PARD3: variants seen among roughly 807,000 people sequenced by gnomAD.
The protein encoded by PARD3 is par-3 family cell polarity regulator.
Under a neutral mutation model 155.4 loss-of-function variants are expected in PARD3, and 75 were observed. That is an observed-to-expected ratio of 0.48 (90% CI 0.40 to 0.58). PARD3 has a LOEUF of 0.58. PARD3 is among the 20% of genes least tolerant of loss of function. PARD3 has a pLI of 0.00. For missense variants in PARD3, 1,642 were observed against 1,721.7 expected (o/e 0.95, Z 0.82); for synonymous variants, 576 against 610.5 (o/e 0.94, Z 0.83).
intron 22 of PARD3, among the ~76,000 whole-genome samples, chr10:34,239,759 C>T (rs1049271298): frequency 4.7e-5 from 7 of 149,502 alleles, no homozygotes; most frequent in Non-Finnish European, 8.8e-5. Context: ...GCCAATAACG[C>T]GCCATTGCAT....
At position 34,359,202 on chromosome 10, in the gene PARD3, T is replaced by C. The variant is rs138292218; in HGVS notation, c.2012A>G (p.Asn671Ser). ...AATAAGCTGGATCATTCCTCGTTTA[T>C]TGCCTTCAGTAGACATAGACCTTCT... ...TLRRSMSTEG[N>S]KRGMIQLIVA... Residue 671 changes from asparagine (N) to serine (S), a missense_variant, in exon 14 of 25, where the codon AAT becomes AGT. Physicochemically the swap from Asn to Ser is conservative, Grantham distance 46. Transcript: ENST00000374788. 3 of 1,613,954 alleles carry C rather than the reference T, an allele frequency of 1.9e-6. No individual in the cohort carries two copies. The highest frequency in any genetic ancestry group is 2.7e-5 in the African/African-American group (2 of 74,948).
At chr10:34,396,948 T>C (rs780307580) in intron 7 of PARD3, among the ~76,000 whole-genome samples, 8 of 152,190 alleles carry the variant, frequency 5.3e-5, no homozygotes, top group Non-Finnish European at 8.8e-5. Flanking sequence ...ATTCTTCCCC[T>C]ATCAGCTCAC....
intron 3 of PARD3, among the ~76,000 whole-genome samples, chr10:34,503,814 G>C (rs1372172762): frequency 6.6e-6 from 1 of 152,152 alleles, no homozygotes; most frequent in Non-Finnish European, 1.5e-5. Flanking sequence ...TTCTATGCTG[G>C]GAATACACAG....
intron 22 of PARD3, among the ~76,000 whole-genome samples, chr10:34,196,814 C>G (rs1394226873): frequency 6.6e-6 from 1 of 152,040 alleles, no homozygotes; most frequent in Admixed American, 6.5e-5. Flanking sequence ...ACCTCATGAT[C>G]CGCCCACCTT....
intron 22 of PARD3, among the ~76,000 whole-genome samples, chr10:34,230,370 A>G (rs1332878903): frequency 6.6e-6 from 1 of 152,158 alleles, no homozygotes; most frequent in Non-Finnish European, 1.5e-5. Context: ...AGACCTCTGC[A>G]TGAAGGCAGA....
At chr10:34,452,828 A>G (rs535206757) in intron 4 of PARD3, among the ~76,000 whole-genome samples, 1 of 152,188 alleles carries the variant, frequency 6.6e-6, no homozygotes, top group Admixed American at 6.5e-5. Context: ...ATTTTGACTC[A>G]GGCACCATTC....
At chr10:34,780,073 C>A (rs1840067930) in intron 1 of PARD3, among the ~76,000 whole-genome samples, 1 of 152,232 alleles carries the variant, frequency 6.6e-6, no homozygotes, top group African/African-American at 2.4e-5. Context: ...ATGCATTACA[C>A]CTTCTGGTAA....
At chr10:34,496,731 C>G (rs913944256) in intron 3 of PARD3, among the ~76,000 whole-genome samples, 4 of 152,120 alleles carry the variant, frequency 2.6e-5, no homozygotes, top group African/African-American at 7.2e-5. Flanking sequence ...CTAAAAGAAT[C>G]CGAAGAGATA....
At chr10:34,261,825 G>GAAAGAAAGAAAGAAAGAAAGAAAC (rs1238097146) in intron 22 of PARD3, among the ~76,000 whole-genome samples, 3 of 138,888 alleles carry the variant, frequency 2.2e-5, no homozygotes, top group Admixed American at 7.2e-5. Flanking sequence ...AAGAAAGAAA[G>GAAAGAAAGAAAGAAAGAAAGAAAC]AAACAAACAA....
intron 1 of PARD3, among the ~76,000 whole-genome samples, chr10:34,705,410 C>T (rs1416893178): frequency 6.6e-6 from 1 of 151,936 alleles, no homozygotes; most frequent in Non-Finnish European, 1.5e-5. Flanking sequence ...ATCACTTGAG[C>T]CCGGGAGGTG....
At chr10:34,297,751 C>G (rs1010504143) in intron 20 of PARD3, among the ~76,000 whole-genome samples, 2 of 152,172 alleles carry the variant, frequency 1.3e-5, no homozygotes, top group African/African-American at 2.4e-5. Flanking sequence ...TTCAGAGGCC[C>G]GAGGCCACCT....
At chr10:34,367,058 T>G (rs1410739682) in intron 12 of PARD3, among the ~76,000 whole-genome samples, 4 of 152,164 alleles carry the variant, frequency 2.6e-5, no homozygotes, top group African/African-American at 4.8e-5. Flanking sequence ...TTTTGCACAA[T>G]TATTAATCTC....
At chr10:34,575,765 G>A (rs572265840) in intron 2 of PARD3, among the ~76,000 whole-genome samples, 75 of 152,140 alleles carry the variant, frequency 4.9e-4, no homozygotes, top group Non-Finnish European at 7.6e-4. Flanking sequence ...ACATGGTGGC[G>A]GGTGCCTGTA....
intron 4 of PARD3, among the ~76,000 whole-genome samples, chr10:34,462,839 G>A (rs1345994910): frequency 7.0e-6 from 1 of 142,794 alleles, no homozygotes; most frequent in Non-Finnish European, 1.5e-5. Flanking sequence ...AGTGGCAAAA[G>A]AAAAGGAAAA....
chr10:34,807,581 G>T (rs1843564979), intron 1 of PARD3, among the ~76,000 whole-genome samples: 1 of 152,146 alleles, frequency 6.6e-6, no homozygotes, highest in Non-Finnish European at 1.5e-5. Context: ...ACCCACTCTG[G>T]TCATGTTATA....
At chr10:34,304,897 T>TGACCA (rs1471389653) in intron 20 of PARD3, among the ~76,000 whole-genome samples, 2 of 152,264 alleles carry the variant, frequency 1.3e-5, no homozygotes, top group South Asian at 2.1e-4. Context: ...AAAGTCAGAA[T>TGACCA]GACCAACATA....
chr10:34,492,388 A>G (rs902926967), intron 3 of PARD3, among the ~76,000 whole-genome samples: 4 of 152,180 alleles, frequency 2.6e-5, no homozygotes, highest in African/African-American at 4.8e-5. Flanking sequence ...ACATTCACGC[A>G]TGGCTCTAGT....
chr10:34,782,885 C>A (rs1291782932), intron 1 of PARD3, among the ~76,000 whole-genome samples: 1 of 152,072 alleles, frequency 6.6e-6, no homozygotes, highest in East Asian at 1.9e-4. Flanking sequence ...CACCACTACA[C>A]CCAGTTATTT....
Position 34,545,484 on chromosome 10 carries a change from A to G in PARD3, c.223-28325T>C, listed in dbSNP as rs535763652. On this transcript the variant is annotated intron_variant, in intron 2 of 24. Coordinates refer to ENST00000374788, the MANE Select transcript of PARD3 (RefSeq NM_001184785.2). ...CATGGACATTGACAGAAAAAATATT[A>G]TAACTGCCTTACAAAAAAATCATTT... 3.9e-5 allele frequency among the ~76,000 whole-genome samples: 6 copies of G among 152,360 alleles called. No homozygotes were observed. The East Asian group carries it at 5.8e-4, about 15-fold the overall frequency.
Sources: allele counts gnomAD v4.1 joint callset (sites outside exome capture counted in the v4.1 genomes callset), GRCh38; gene constraint gnomAD v4.1.1; transcripts MANE v1.5; gene names NCBI Gene and HGNC (gene_info 2026-07-23, HGNC 2026-07-21).